The following PDE1B variants were observed in gnomAD, a reference collection of about 807,000 sequenced individuals.
PDE1B encodes phosphodiesterase 1B.
A neutral mutation model predicts 66.7 loss-of-function variants in PDE1B; 13 were observed. That is an observed-to-expected ratio of 0.19 (90% confidence interval 0.13 to 0.31). The LOEUF (loss-of-function observed/expected upper bound fraction) is 0.31, where lower values mean the gene tolerates loss of function less well. Among genes scored for constraint, PDE1B ranks in the 10% least tolerant of loss-of-function variants. The probability of loss-of-function intolerance (pLI) is 1.00; values close to 1 mark genes in which losing one functional copy is unlikely to be tolerated. For missense variants in PDE1B, 485 were observed against 682.3 expected (o/e 0.71, Z 3.22); for synonymous variants, 230 against 253.9 (o/e 0.91, Z 0.90).
chr12:54,570,297 T>C lies in PDE1B; in HGVS notation c.534T>C (p.His178=), dbSNP rs1055152463. The C allele has an allele frequency of 2.5e-6, 4 of 1,613,870 alleles. No individual in the cohort carries two copies. Among genetic ancestry groups the C allele is most frequent in the African/African-American group, 2.7e-5 (2 of 74,892 alleles). The change falls in exon 6 of 16, where the codon CAT becomes CAC. Residue 178 remains histidine (H), a synonymous_variant. Coordinates refer to ENST00000243052, the MANE Select transcript of PDE1B (RefSeq NM_000924.4). ...CCTTGAACCAGGCAGCAGATGACCA[T>C]GCCCTGAGGACCATTGTTTTTGAGT... is the stretch of plus-strand genomic sequence containing the variant. The part of the protein sequence containing the change: ...VFSLNQAADD[H]ALRTIVFELL...
chr12:54,575,603 C>T lies in PDE1B; in HGVS notation c.1238C>T (p.Thr413Ile), dbSNP rs1178144603. ...GLPFSPLCDRTSTLVAQSQIG... is the reference protein window; with the variant it reads ...GLPFSPLCDRISTLVAQSQIG... ...CCCTTTTCTCCACTCTGTGACCGCA[C>T]TTCCACTCTAGTGGCACAGTCTCAG... The change falls in exon 12 of 16, where the codon ACT (threonine) becomes ATT (isoleucine). Residue 413 changes from threonine (T) to isoleucine (I), a missense_variant. This residue lies in a region of PDE1B where 282 missense variants were observed against 453.4 expected (regional missense o/e 0.62). Transcript: ENST00000243052. The surrounding 1 kb of genome is among the most constrained non-coding windows in gnomAD (Gnocchi z 4.0). The T allele has an allele frequency of 6.2e-7, 1 of 1,613,094 alleles. No homozygotes were observed. Among genetic ancestry groups the T allele is most frequent in the East Asian group, 2.2e-5 (1 of 44,864 alleles).
chr12:54,575,495 G>C lies in PDE1B; in HGVS notation c.1186-56G>C. Reference sequence around the variant, plus strand: ...CCCACCACTTGCCACCTGTACCCCAGATCTGGTAGGTCTGAGGTATCCTCT... The same window carrying C: ...CCCACCACTTGCCACCTGTACCCCACATCTGGTAGGTCTGAGGTATCCTCT... On this transcript the variant is annotated intron_variant, in intron 11 of 15. Transcript: ENST00000243052. The surrounding 1 kb of genome is among the most constrained non-coding windows in gnomAD (Gnocchi z 4.0). The C allele has an allele frequency of 2.4e-6, 3 of 1,274,368 alleles. No individual in the cohort carries two copies. The highest frequency in any genetic ancestry group is 3.4e-6 in the Non-Finnish European group (3 of 871,524). 78.9% of individuals were successfully genotyped at this position (1,274,368 alleles called of 1,614,324 possible).
Position 54,575,004 on chromosome 12 carries a change from A to G in PDE1B, c.1065-94A>G, listed in dbSNP as rs207472937. On this transcript the variant is annotated intron_variant, in intron 10 of 15. Transcript: ENST00000243052. This position sits in a 1 kb window ranked among gnomAD's most constrained non-coding sequence, Gnocchi z 4.0. Reference sequence around the variant, plus strand: ...AAAAAAAAAAAAAAAGGAAGAAGTTATGTGATAGGGTGTGCGTGGGAAGTT... The same window carrying G: ...AAAAAAAAAAAAAAAGGAAGAAGTTGTGTGATAGGGTGTGCGTGGGAAGTT... 1.8e-3 allele frequency: 1,640 copies of G among 886,764 alleles called. 40 individuals carry two copies. In the South Asian group the frequency reaches 0.027, roughly 15 times the overall value. 54.9% of individuals were successfully genotyped at this position (886,764 alleles called of 1,614,324 possible). A position where few individuals can be genotyped will look rare whatever the true frequency, so the allele number is the denominator to read the frequency against.
At chr12:54,566,453 G>A (rs1957517689) in intron 2 of PDE1B, among the ~76,000 whole-genome samples, 1 of 152,216 alleles carries the variant, frequency 6.6e-6, no homozygotes, top group Non-Finnish European at 1.5e-5. Context: ...ATGCCTGCCA[G>A]GCACAGAGGG....
At chr12:54,568,086 C>T (rs1957549124) in intron 3 of PDE1B, among the ~76,000 whole-genome samples, 1 of 152,154 alleles carries the variant, frequency 6.6e-6, no homozygotes. Context: ...GAACTCCTGA[C>T]CTCAGGTGAT....
chr12:54,561,848 TC>T (rs149849996), intron 2 of PDE1B, among the ~76,000 whole-genome samples: 18 of 151,136 alleles, frequency 1.2e-4, no homozygotes, highest in East Asian at 7.8e-4. Flanking sequence ...CCCATTTCCA[TC>T]CCCCCCCACC....
chr12:54,561,752 T>C (rs1181520439), intron 2 of PDE1B: 2 of 663,352 alleles, frequency 3.0e-6, no homozygotes, highest in Non-Finnish European at 5.0e-6. Context: ...GTCCCCCATA[T>C]GTTTTGTGCG....
At position 54,577,363 on chromosome 12, in the gene PDE1B, G is replaced by C. The variant is rs1592177162; in HGVS notation, c.*17+18G>C. On this transcript the variant is annotated intron_variant, in intron 15 of 15. Transcript: ENST00000243052. Reference sequence around the variant, plus strand: ...TGGCCCAGGTGAGCCTGTTGTGGTGGAGGGTGTAGGAGAGCTGGTGTCTAT... The same window carrying C: ...TGGCCCAGGTGAGCCTGTTGTGGTGCAGGGTGTAGGAGAGCTGGTGTCTAT... The C allele has an allele frequency of 1.9e-6, 3 of 1,611,644 alleles. No individual in the cohort carries two copies. The highest frequency in any genetic ancestry group is 2.5e-6 in the Non-Finnish European group (3 of 1,178,432).
chr12:54,571,627 A>G (rs1957617593), intron 6 of PDE1B: 1 of 152,244 alleles, frequency 6.6e-6, no homozygotes, highest in African/African-American at 2.4e-5. Context: ...TGATAGGGCC[A>G]GCAGCAGCTG....
intron 10 of PDE1B, chr12:54,574,851 T>C: frequency 3.1e-6 from 1 of 318,208 alleles, no homozygotes; most frequent in Non-Finnish European, 5.9e-6. Context: ...CATGCACGCC[T>C]GTAGTCCCAG....
rs137942764 is a variant in PDE1B, at chr12:54,570,873, G to C, written c.594+516G>C. On this transcript the variant is annotated intron_variant, in intron 6 of 15. Transcript: ENST00000243052. ...GTGAACTTCATTTGCTCTTCAGCTTGTCTGGATGGGAAGAATTATATGAGA... is the reference window on the plus strand; with the variant it reads ...GTGAACTTCATTTGCTCTTCAGCTTCTCTGGATGGGAAGAATTATATGAGA... 436 of 153,430 alleles carry C rather than the reference G, an allele frequency of 2.8e-3. 3 individuals are homozygous for C. The highest frequency in any genetic ancestry group is 0.023 in the South Asian group (111 of 4,900). The allele number at this position is 153,430 out of a possible 1,614,324, so 9.5% of individuals were successfully genotyped here.
At position 54,573,993 on chromosome 12, in the gene PDE1B, G is replaced by A. The variant is rs990175768; in HGVS notation, c.1064+284G>A. 1.3e-5 allele frequency: 6 copies of A among 449,998 alleles called. No individual in the cohort carries two copies. The highest frequency in any genetic ancestry group is 3.8e-5 in the Admixed American group (1 of 26,596). 27.9% of individuals were successfully genotyped at this position (449,998 alleles called of 1,614,324 possible). ...GGAATCTAAGATGGGGGTTCTCATC[G>A]TAGCTCTGGGACAGGCTTACTCTGG... On this transcript the variant is annotated intron_variant, in intron 10 of 15. Transcript: ENST00000243052. This position sits in a 1 kb window ranked among gnomAD's most constrained non-coding sequence, Gnocchi z 5.2.
In PDE1B at chr12:54,575,737, T is replaced by A; in HGVS notation, c.1267+105T>A. ...CAATCCCCCCAAACCATTCTTCCTG[T>A]AGAGGAAAGCCTACTGTGCTAGAGC... On this transcript the variant is annotated intron_variant, in intron 12 of 15. Transcript: ENST00000243052. This position sits in a 1 kb window ranked among gnomAD's most constrained non-coding sequence, Gnocchi z 4.0. The A allele has an allele frequency of 2.2e-6, 2 of 908,664 alleles. No individual in the cohort carries two copies. Among genetic ancestry groups the A allele is most frequent in the Non-Finnish European group, 3.6e-6 (2 of 554,084 alleles). The allele number at this position is 908,664 out of a possible 1,614,324, so 56.3% of individuals were successfully genotyped here.
intron 13 of PDE1B, 24 bp from the exon 14 acceptor site, chr12:54,576,547 G>T: frequency 6.2e-7 from 1 of 1,613,884 alleles, no homozygotes; most frequent in Non-Finnish European, 8.5e-7. Flanking sequence ...TACCTCTTGC[G>T]GCTTTTGGGG....
At chr12:54,572,844 C>T in intron 7 of PDE1B, 103 bp downstream of exon 7, 2 of 1,199,594 alleles carry the variant, frequency 1.7e-6, no homozygotes, top group Non-Finnish European at 2.4e-6. Flanking sequence ...GTTGGTTCTT[C>T]TTGGGCACTC....
chr12:54,574,065 C>A, intron 10 of PDE1B: 1 of 253,192 alleles, frequency 3.9e-6, no homozygotes, highest in Non-Finnish European at 7.7e-6. Context: ...TTTATTACCT[C>A]TGAAATGGTG....
At position 54,575,967 on chromosome 12, in the gene PDE1B, C is replaced by T. The variant is rs771996211; in HGVS notation, c.1268-25C>T. On this transcript the variant is annotated intron_variant, in intron 12 of 15. Coordinates refer to ENST00000243052, the MANE Select transcript of PDE1B (RefSeq NM_000924.4). The surrounding 1 kb of genome is among the most constrained non-coding windows in gnomAD (Gnocchi z 4.0). ...CCCTCCAGATAATAGTAAGACATCT[C>T]TACGGCATTGCTCCTCCACTGCAGG... The T allele has an allele frequency of 2.8e-5, 42 of 1,486,540 alleles. No homozygotes were observed. Among genetic ancestry groups the T allele is most frequent in the Non-Finnish European group, 3.6e-5 (38 of 1,064,002 alleles). The allele number at this position is 1,486,540 out of a possible 1,614,324, so 92.1% of individuals were successfully genotyped here. A position where few individuals can be genotyped will look rare whatever the true frequency, so the allele number is the denominator to read the frequency against.
intron 2 of PDE1B, 59 bp downstream of exon 2, chr12:54,550,044 G>T (rs1305931128): frequency 5.1e-6 from 8 of 1,581,426 alleles, no homozygotes; most frequent in Non-Finnish European, 6.9e-6. Context: ...GCGGGAGGAG[G>T]AGGGGGGATA....
In PDE1B at chr12:54,549,995, C is replaced by A; in HGVS notation, c.113+10C>A. The A allele has an allele frequency of 6.2e-7, 1 of 1,612,566 alleles. No homozygotes were observed. The highest frequency in any genetic ancestry group is 8.5e-7 in the Non-Finnish European group (1 of 1,179,094). On this transcript the variant is annotated intron_variant, in intron 2 of 15. Transcript: ENST00000243052. ...TTAAGCTTCGGTCTCTGTAAGTCCC[C>A]GGCCCGGGAATGGGGGGAAGGGACC...
Sources: allele counts gnomAD v4.1 joint callset (sites outside exome capture counted in the v4.1 genomes callset), GRCh38; gene constraint gnomAD v4.1.1; regional missense constraint gnomAD v4.1.1; non-coding constraint Gnocchi (gnomAD v3.1); transcripts MANE v1.5; gene names NCBI Gene and HGNC (gene_info 2026-07-23, HGNC 2026-07-21).